CPNE8: variants seen among roughly 807,000 people sequenced by gnomAD.
CPNE8 encodes copine-8.
Under a neutral mutation model 81.5 loss-of-function variants are expected in CPNE8, and 45 were observed. The ratio of observed to expected loss-of-function variants is 0.55; its 90% CI spans 0.44 to 0.71. CPNE8 has a LOEUF of 0.71. CPNE8 is among the 30% of genes least tolerant of loss of function. The pLI is 0.00. For missense variants in CPNE8, 594 were observed against 672.1 expected (o/e 0.88, Z 1.28); for synonymous variants, 252 against 226.3 (o/e 1.11, Z -1.02).
chr12:38,824,894 AG>A, intron 6 of CPNE8, among the ~76,000 whole-genome samples: 1 of 152,162 alleles, frequency 6.6e-6, no homozygotes, highest in Admixed American at 6.5e-5. Flanking sequence ...CAGCACCAGG[AG>A]TGTGCAAATT....
intron 6 of CPNE8, among the ~76,000 whole-genome samples, chr12:38,806,173 C>T (rs922236051): frequency 6.7e-6 from 1 of 150,132 alleles, no homozygotes; most frequent in African/African-American, 2.4e-5. Flanking sequence ...CTACCAGAGG[C>T]ATGAGGAGGA....
At chr12:38,695,438 A>G (rs1391440142) in intron 14 of CPNE8, among the ~76,000 whole-genome samples, 1 of 151,724 alleles carries the variant, frequency 6.6e-6, no homozygotes, top group Non-Finnish European at 1.5e-5. Flanking sequence ...AAGCACAAAC[A>G]CTCCAACCTT....
At chr12:38,672,402 G>C (rs1188976318) in intron 18 of CPNE8, among the ~76,000 whole-genome samples, 2 of 152,192 alleles carry the variant, frequency 1.3e-5, no homozygotes, top group Non-Finnish European at 2.9e-5. Flanking sequence ...GCTTTTGAGA[G>C]CAAGAAGAGA....
chr12:38,905,603 C>A, upstream of CPNE8: 1 of 1,530,324 alleles, frequency 6.5e-7, no homozygotes, highest in East Asian at 2.5e-5. Context: ...AGGGCTAGCT[C>A]CCGTCAGGCG....
intron 10 of CPNE8, among the ~76,000 whole-genome samples, chr12:38,742,606 C>T (rs1013662547): frequency 6.6e-6 from 1 of 151,120 alleles, no homozygotes; most frequent in East Asian, 1.9e-4. Flanking sequence ...TGCAGCACAC[C>T]AACATGGCAC....
intron 3 of CPNE8, among the ~76,000 whole-genome samples, chr12:38,866,481 A>C (rs1313676972): frequency 2.0e-5 from 3 of 152,222 alleles, no homozygotes; most frequent in Non-Finnish European, 4.4e-5. Flanking sequence ...AAAATTTTAA[A>C]AGCTTCCTCT....
At chr12:38,741,500 C>T (rs1941103870) in intron 10 of CPNE8, among the ~76,000 whole-genome samples, 1 of 152,166 alleles carries the variant, frequency 6.6e-6, no homozygotes, top group African/African-American at 2.4e-5. Context: ...GAAACTGGAT[C>T]CCTTCCTTAC....
intron 1 of CPNE8, among the ~76,000 whole-genome samples, chr12:38,889,839 G>A (rs914494241): frequency 6.6e-6 from 1 of 152,200 alleles, no homozygotes; most frequent in African/African-American, 2.4e-5. Context: ...GATGAGGCCT[G>A]AGGCTCAACT....
intron 6 of CPNE8, among the ~76,000 whole-genome samples, chr12:38,814,868 A>C (rs1306268498): frequency 6.6e-6 from 1 of 152,156 alleles, no homozygotes; most frequent in Non-Finnish European, 1.5e-5. Flanking sequence ...CTGTAGGTTC[A>C]TCATGGACCC....
chr12:38,722,466 T>C (rs1022257843), intron 13 of CPNE8, among the ~76,000 whole-genome samples: 7 of 152,148 alleles, frequency 4.6e-5, no homozygotes, highest in Non-Finnish European at 7.3e-5. Flanking sequence ...TTTGTGAAGC[T>C]ATCTTTGTTC....
At chr12:38,781,807 C>T (rs1942058505) in intron 6 of CPNE8, among the ~76,000 whole-genome samples, 4 of 152,012 alleles carry the variant, frequency 2.6e-5, no homozygotes, top group South Asian at 2.1e-4. Context: ...TGGCCTTCTA[C>T]CCAAATCCTT....
At chr12:38,758,477 A>G (rs1310462448) in intron 10 of CPNE8, among the ~76,000 whole-genome samples, 1 of 152,160 alleles carries the variant, frequency 6.6e-6, no homozygotes, top group Non-Finnish European at 1.5e-5. Flanking sequence ...CTTTCACTTA[A>G]TGCCAGGAAT....
chr12:38,701,845 A>G (rs1427682232), intron 14 of CPNE8, among the ~76,000 whole-genome samples: 1 of 152,178 alleles, frequency 6.6e-6, no homozygotes, highest in Non-Finnish European at 1.5e-5. Flanking sequence ...ACGAGTAAAA[A>G]TAATTAATTG....
chr12:38,666,070 ATATCT>A (rs1939051162), intron 19 of CPNE8, among the ~76,000 whole-genome samples: 1 of 152,130 alleles, frequency 6.6e-6, no homozygotes, highest in East Asian at 1.9e-4. Flanking sequence ...ATATTCACAA[ATATCT>A]TATATACTTT....
At chr12:38,682,801 A>C (rs1487870661) in intron 16 of CPNE8, among the ~76,000 whole-genome samples, 3 of 152,194 alleles carry the variant, frequency 2.0e-5, no homozygotes, top group Non-Finnish European at 4.4e-5. Context: ...CTGTGACTGA[A>C]GTGCAGTACA....
At chr12:38,872,922 A>G (rs964473663) in intron 3 of CPNE8, 82 bp downstream of exon 3, 2 of 799,408 alleles carry the variant, frequency 2.5e-6, no homozygotes, top group African/African-American at 1.8e-5. Context: ...TACAATGGAA[A>G]ATAGAAAGTA....
chr12:38,771,797 G>T (rs1452835739), intron 7 of CPNE8, among the ~76,000 whole-genome samples: 2 of 152,090 alleles, frequency 1.3e-5, no homozygotes, highest in Non-Finnish European at 1.5e-5. Flanking sequence ...GGCCACAAAA[G>T]CAAAAATACA....
chr12:38,892,819 C>T (rs187890792), intron 1 of CPNE8, among the ~76,000 whole-genome samples: 36 of 151,968 alleles, frequency 2.4e-4, no homozygotes, highest in Non-Finnish European at 2.8e-4. Context: ...ACTGAAAAGG[C>T]ACCGATATCT....
intron 10 of CPNE8, among the ~76,000 whole-genome samples, chr12:38,738,865 A>G (rs1397606022): frequency 5.5e-5 from 8 of 146,436 alleles, no homozygotes; most frequent in African/African-American, 2.0e-4. Flanking sequence ...CCATACTGGA[A>G]TGCAGTGGCA....
Sources: allele counts gnomAD v4.1 joint callset (sites outside exome capture counted in the v4.1 genomes callset), GRCh38; gene constraint gnomAD v4.1.1; transcripts MANE v1.5; gene names NCBI Gene and HGNC (gene_info 2026-07-23, HGNC 2026-07-21).